Variants in FHIT observed in about 807,000 individuals in gnomAD.
FHIT encodes fragile histidine triad diadenosine triphosphatase, also known as bis(5'-adenosyl)-triphosphatase.
FHIT carries 19 observed loss-of-function variants against 17.9 expected under a neutral mutation model. The ratio of observed to expected loss-of-function variants is 1.06; its 90% confidence interval spans 0.74 to 1.56. The LOEUF (loss-of-function observed/expected upper bound fraction) is 1.56, where lower values mean the gene tolerates loss of function less well. FHIT is among the 40% of genes most tolerant of loss of function. FHIT has a pLI of 0.00. For synonymous variants in FHIT, 81 were observed against 69.7 expected (o/e 1.16, Z -0.81); for missense variants, 248 against 189.2 (o/e 1.31, Z -1.82).
intron 3 of FHIT, among the ~76,000 whole-genome samples, chr3:61,007,567 G>A (rs1294071093): frequency 6.6e-6 from 1 of 152,120 alleles, no homozygotes; most frequent in Non-Finnish European, 1.5e-5. Flanking sequence ...TACCAAAGAT[G>A]GAGTCACAAC....
intron 4 of FHIT, among the ~76,000 whole-genome samples, chr3:60,696,641 C>G (rs1009774955): frequency 6.6e-6 from 1 of 152,124 alleles, no homozygotes; most frequent in Admixed American, 6.6e-5. Context: ...GAAAGAGAGT[C>G]TGTGGATCAG....
intron 2 of FHIT, among the ~76,000 whole-genome samples, chr3:61,094,225 C>T (rs2035570846): frequency 6.6e-6 from 1 of 151,840 alleles, no homozygotes; most frequent in Non-Finnish European, 1.5e-5. Context: ...AAAGTAATAA[C>T]CAGGATGCAG....
intron 3 of FHIT, among the ~76,000 whole-genome samples, chr3:60,977,640 G>A (rs571153986): frequency 1.3e-5 from 2 of 152,310 alleles, no homozygotes; most frequent in South Asian, 4.1e-4. Flanking sequence ...GGGAGGCTGA[G>A]ATGGGCAAAT....
chr3:60,736,248 C>T (rs1442323244), intron 4 of FHIT, among the ~76,000 whole-genome samples: 8 of 152,136 alleles, frequency 5.3e-5, no homozygotes, highest in African/African-American at 1.7e-4. Context: ...AAAAGTTAAA[C>T]ATAGAGTTAC....
At chr3:61,153,878 T>C (rs1409705027) in intron 2 of FHIT, among the ~76,000 whole-genome samples, 1 of 152,184 alleles carries the variant, frequency 6.6e-6, no homozygotes, top group Non-Finnish European at 1.5e-5. Context: ...CTTGATATTA[T>C]TTTGTAAAAA....
At chr3:60,029,953 C>T (rs1343157428) in intron 5 of FHIT, among the ~76,000 whole-genome samples, 1 of 128,280 alleles carries the variant, frequency 7.8e-6, no homozygotes, top group African/African-American at 3.1e-5. Flanking sequence ...CTTGGTGCAG[C>T]GTGGCTTTTT....
At chr3:60,444,711 G>A (rs1253705991) in intron 5 of FHIT, among the ~76,000 whole-genome samples, 1 of 151,946 alleles carries the variant, frequency 6.6e-6, no homozygotes, top group Non-Finnish European at 1.5e-5. Flanking sequence ...GGGGGGAGTG[G>A]GAGAGATAGC....
At chr3:60,183,232 T>A (rs983241570) in intron 5 of FHIT, among the ~76,000 whole-genome samples, 1 of 152,046 alleles carries the variant, frequency 6.6e-6, no homozygotes, top group African/African-American at 2.4e-5. Context: ...AATCCATCTC[T>A]ACTAAAAATA....
intron 7 of FHIT, among the ~76,000 whole-genome samples, chr3:59,974,497 C>CG (rs1708324028): frequency 6.6e-6 from 1 of 152,144 alleles, no homozygotes; most frequent in South Asian, 2.1e-4. Flanking sequence ...CTTCACCAAG[C>CG]ATGAGAAACA....
intron 3 of FHIT, among the ~76,000 whole-genome samples, chr3:60,889,446 A>AT: frequency 6.6e-6 from 1 of 152,258 alleles, no homozygotes; most frequent in East Asian, 1.9e-4. Context: ...GAAACTTTAT[A>AT]TATAACAACC....
chr3:60,161,589 T>C (rs751261910), intron 5 of FHIT, among the ~76,000 whole-genome samples: 2 of 151,852 alleles, frequency 1.3e-5, no homozygotes, highest in Non-Finnish European at 2.9e-5. Flanking sequence ...CAAAGGAGTG[T>C]GCTTAGGGGA....
intron 3 of FHIT, among the ~76,000 whole-genome samples, chr3:60,979,138 G>C (rs556709573): frequency 1.3e-5 from 2 of 152,176 alleles, no homozygotes; most frequent in East Asian, 3.9e-4. Context: ...TGCTCTTCTG[G>C]ACTTCTCTGG....
chr3:60,857,418 CTG>C (rs1703434564), intron 3 of FHIT, among the ~76,000 whole-genome samples: 1 of 152,092 alleles, frequency 6.6e-6, no homozygotes, highest in Admixed American at 6.6e-5. Flanking sequence ...TACTTATCAG[CTG>C]TGTGAGGTGA....
chr3:59,822,428 T>C (rs1188897094), intron 8 of FHIT, among the ~76,000 whole-genome samples: 3 of 152,174 alleles, frequency 2.0e-5, no homozygotes, highest in African/African-American at 7.2e-5. Context: ...TGTAGAGGTG[T>C]TCCCTTTTCA....
At chr3:60,459,254 T>C (rs2032310435) in intron 5 of FHIT, among the ~76,000 whole-genome samples, 1 of 152,178 alleles carries the variant, frequency 6.6e-6, no homozygotes, top group Non-Finnish European at 1.5e-5. Context: ...AAATTTATAG[T>C]TTACCAAAGT....
At chr3:61,053,160 TG>T (rs1559943819) in intron 2 of FHIT, among the ~76,000 whole-genome samples, 3 of 151,988 alleles carry the variant, frequency 2.0e-5, no homozygotes, top group African/African-American at 7.2e-5. Flanking sequence ...GAAAAGTGAG[TG>T]GCTGTTGGGA....
chr3:60,603,003 AG>A (rs1319905270), intron 4 of FHIT, among the ~76,000 whole-genome samples: 1 of 152,166 alleles, frequency 6.6e-6, no homozygotes, highest in Admixed American at 6.5e-5. Flanking sequence ...TGAGCTACCC[AG>A]TTTATGGTAT....
At chr3:59,905,498 T>C (rs1384144730) in intron 8 of FHIT, among the ~76,000 whole-genome samples, 1 of 152,200 alleles carries the variant, frequency 6.6e-6, no homozygotes, top group Non-Finnish European at 1.5e-5. Context: ...CTAGTGCCTC[T>C]CACGTAGTAA....
At chr3:60,438,659 G>C (rs1401541752) in intron 5 of FHIT, among the ~76,000 whole-genome samples, 1 of 152,078 alleles carries the variant, frequency 6.6e-6, no homozygotes, top group Non-Finnish European at 1.5e-5. Flanking sequence ...ATAACAACTT[G>C]ACAGTTCAAA....
Sources: allele counts gnomAD v4.1 joint callset (sites outside exome capture counted in the v4.1 genomes callset), GRCh38; gene constraint gnomAD v4.1.1; transcripts MANE v1.5; gene names NCBI Gene and HGNC (gene_info 2026-07-23, HGNC 2026-07-21).